FHIT: variants seen among roughly 807,000 people sequenced by gnomAD.
The protein encoded by FHIT is fragile histidine triad diadenosine triphosphatase.
A neutral mutation model predicts 17.9 loss-of-function variants in FHIT; 19 were observed. The observed-to-expected ratio is 1.06, with a 90% CI of 0.74 to 1.56. The LOEUF (loss-of-function observed/expected upper bound fraction) is 1.56. Among genes scored for constraint, FHIT ranks in the 40% most tolerant of loss-of-function variants. The pLI is 0.00. For missense variants in FHIT, 248 were observed against 189.2 expected, an observed-to-expected ratio of 1.31 and a Z score of -1.82; for synonymous variants, 81 against 69.7, an observed-to-expected ratio of 1.16 and a Z score of -0.81.
intron 3 of FHIT, among the ~76,000 whole-genome samples, chr3:61,029,713 A>AT (rs1416210398): frequency 3.3e-5 from 5 of 151,882 alleles, no homozygotes; most frequent in South Asian, 2.1e-4. Flanking sequence ...AAGCAAAGGA[A>AT]TTTTTTTTTC....
chr3:60,744,258 C>CAAAAAAAAAAAAAA (rs371224955), intron 4 of FHIT, among the ~76,000 whole-genome samples: 2 of 95,638 alleles, frequency 2.1e-5, no homozygotes, highest in Non-Finnish European at 2.1e-5. Flanking sequence ...AAAAAAAAAA[C>CAAAAAAAAAAAAAA]AAAACAAAAC....
At chr3:60,385,525 T>C (rs1328390663) in intron 5 of FHIT, among the ~76,000 whole-genome samples, 1 of 152,250 alleles carries the variant, frequency 6.6e-6, no homozygotes, top group Non-Finnish European at 1.5e-5. Context: ...TCATTTTATA[T>C]AAGTTAGTTA....
intron 5 of FHIT, among the ~76,000 whole-genome samples, chr3:60,226,261 TAG>T (rs1375892599): frequency 6.6e-6 from 1 of 151,770 alleles, no homozygotes; most frequent in Non-Finnish European, 1.5e-5. Flanking sequence ...CCACCTGAGG[TAG>T]AGAGTTCAAG....
intron 7 of FHIT, among the ~76,000 whole-genome samples, chr3:59,933,866 GGAAA>G (rs569150859): frequency 6.6e-6 from 1 of 152,118 alleles, no homozygotes; most frequent in Non-Finnish European, 1.5e-5. Context: ...AAAGAAGAAA[GGAAA>G]GAAAGAAGGC....
chr3:60,208,482 C>A (rs950479447), intron 5 of FHIT, among the ~76,000 whole-genome samples: 6 of 152,162 alleles, frequency 3.9e-5, no homozygotes, highest in East Asian at 1.9e-4. Context: ...TAAATGCCCA[C>A]ATTATGAGAA....
chr3:59,938,765 A>T (rs534623085), intron 7 of FHIT, among the ~76,000 whole-genome samples: 30 of 152,326 alleles, frequency 2.0e-4, no homozygotes, highest in Middle Eastern at 3.4e-3. Flanking sequence ...TAAGTTTGAA[A>T]ATATACATTG....
intron 5 of FHIT, among the ~76,000 whole-genome samples, chr3:60,494,466 C>G (rs1464852254): frequency 6.6e-6 from 1 of 151,130 alleles, no homozygotes; most frequent in Non-Finnish European, 1.5e-5. Context: ...CTTTGTGTTA[C>G]AAACAATCAA....
chr3:60,401,025 C>G (rs1701637343), intron 5 of FHIT, among the ~76,000 whole-genome samples: 1 of 152,076 alleles, frequency 6.6e-6, no homozygotes, highest in South Asian at 2.1e-4. Flanking sequence ...GACCTACCAC[C>G]TAGATCAATT....
chr3:60,093,607 G>C (rs529077096), intron 5 of FHIT, among the ~76,000 whole-genome samples: 1 of 152,314 alleles, frequency 6.6e-6, no homozygotes, highest in East Asian at 1.9e-4. Context: ...CCACACAGCA[G>C]GAGGTGAGTG....
chr3:60,256,180 C>T (rs534208094), intron 5 of FHIT, among the ~76,000 whole-genome samples: 2 of 152,234 alleles, frequency 1.3e-5, no homozygotes, highest in African/African-American at 2.4e-5. Flanking sequence ...CGTGCCTATT[C>T]CCAATTTATG....
rs1576290017 is a variant in FHIT at position 60,195,550 on chromosome 3, T to TAC, written c.104-181399_104-181398insGT. Reference sequence around the variant, plus strand: ...ATAAGCGGATAAGGAAAATGTGATATATATATATATTTATATTTATATAAT... The same window carrying TAC: ...ATAAGCGGATAAGGAAAATGTGATATACATATATATATTTATATTTATATAAT... On this transcript the variant is annotated intron_variant, in intron 5 of 9. Transcript: ENST00000492590. Among the ~76,000 whole-genome samples the TAC allele has an allele frequency of 1.1e-4, 11 of 103,956 alleles. No homozygotes were observed. In the South Asian group the frequency reaches 3.5e-3, roughly 33 times the overall value. The allele number at this position is 103,956 out of a possible 152,430, so 68.2% of individuals were successfully genotyped here.
intron 4 of FHIT, among the ~76,000 whole-genome samples, chr3:60,647,204 AG>A (rs1203310119): frequency 6.6e-6 from 1 of 152,228 alleles, no homozygotes; most frequent in African/African-American, 2.4e-5. Flanking sequence ...AGCGTGAGGC[AG>A]AAAATATTTC....
chr3:60,172,168 G>C (rs1016180404), intron 5 of FHIT, among the ~76,000 whole-genome samples: 2 of 152,194 alleles, frequency 1.3e-5, no homozygotes, highest in East Asian at 3.8e-4. Context: ...ATGAAACTGA[G>C]CTCAGGAAGT....
At chr3:61,156,162 C>T (rs2037528241) in intron 2 of FHIT, among the ~76,000 whole-genome samples, 1 of 152,182 alleles carries the variant, frequency 6.6e-6, no homozygotes, top group East Asian at 1.9e-4. Flanking sequence ...CTGAAGTTCA[C>T]CCCATACGCT....
intron 5 of FHIT, among the ~76,000 whole-genome samples, chr3:60,475,128 C>T (rs1169220690): frequency 6.9e-6 from 1 of 144,420 alleles, no homozygotes; most frequent in Admixed American, 6.7e-5. Flanking sequence ...CTACTAGTTG[C>T]TGTAGCAACT....
chr3:61,209,222 C>T (rs976581840), intron 1 of FHIT, among the ~76,000 whole-genome samples: 3 of 152,120 alleles, frequency 2.0e-5, no homozygotes, highest in East Asian at 3.8e-4. Flanking sequence ...GTGGGTAACC[C>T]GACCTTTCTC....
In FHIT at chr3:60,628,980, T is replaced by C. The variant is rs114969469; in HGVS notation, c.-17-92001A>G. Among the ~76,000 whole-genome samples the C allele has an allele frequency of 9.5e-3, 1,433 of 151,590 alleles. 14 individuals carry two copies. The highest frequency in any genetic ancestry group is 0.017 in the Middle Eastern group (5 of 294). On this transcript the variant is annotated intron_variant, in intron 4 of 9. Transcript: ENST00000492590. Reference sequence around the variant, plus strand: ...TGCCTCTCTCAGCATAGAATCTGCCTATGAGTAAGCTGAGGCAAGGGGGAC... The same window carrying C: ...TGCCTCTCTCAGCATAGAATCTGCCCATGAGTAAGCTGAGGCAAGGGGGAC...
At chr3:60,794,529 G>A (rs1700907129) in intron 4 of FHIT, among the ~76,000 whole-genome samples, 1 of 152,148 alleles carries the variant, frequency 6.6e-6, no homozygotes, top group Admixed American at 6.5e-5. Context: ...GCAGTAGATA[G>A]ATATATAGCT....
At chr3:61,182,068 A>C (rs1325871624) in intron 2 of FHIT, among the ~76,000 whole-genome samples, 1 of 152,174 alleles carries the variant, frequency 6.6e-6, no homozygotes, top group Non-Finnish European at 1.5e-5. Flanking sequence ...TGAAGGGGAA[A>C]TAACTTTCTC....
Sources: gnomAD v4.1 joint callset for allele counts (sites outside exome capture counted in the v4.1 genomes callset) on GRCh38, gnomAD v4.1.1 for gene constraint, MANE v1.5 for transcripts, NCBI Gene and HGNC (gene_info 2026-07-23, HGNC 2026-07-21) for gene names.